NELL2: variants seen among roughly 807,000 people sequenced by gnomAD.
The protein encoded by NELL2 is neural EGFL like 2, also known as protein kinase C-binding protein NELL2.
A neutral mutation model predicts 109.6 loss-of-function variants in NELL2; 41 were observed. That is an observed-to-expected ratio of 0.37 (90% CI 0.29 to 0.49). The LOEUF is 0.49. Ranked by LOEUF, NELL2 falls within the 20% of genes least tolerant of loss-of-function variation. NELL2 has a pLI of 0.98. For synonymous variants in NELL2, 355 were observed against 344.7 expected (o/e 1.03, Z -0.33); for missense variants, 900 against 1,008.3 (o/e 0.89, Z 1.45).
chr12:44,695,484 C>T (rs962154702), intron 12 of NELL2, among the ~76,000 whole-genome samples: 36 of 152,048 alleles, frequency 2.4e-4, no homozygotes, highest in Non-Finnish European at 2.1e-4. Flanking sequence ...GTCACTTGAG[C>T]CCAGGAGTTT....
chr12:44,740,545 T>C (rs1004301768), intron 9 of NELL2, among the ~76,000 whole-genome samples: 1 of 152,088 alleles, frequency 6.6e-6, no homozygotes, highest in African/African-American at 2.4e-5. Context: ...AATCCAAAAC[T>C]GTACGGCATG....
At chr12:44,810,489 T>C (rs1451621204) in intron 3 of NELL2, among the ~76,000 whole-genome samples, 1 of 152,062 alleles carries the variant, frequency 6.6e-6, no homozygotes, top group East Asian at 1.9e-4. Flanking sequence ...CCATTTGTAT[T>C]GGAAAGAGAG....
At position 44,815,866 on chromosome 12, in the gene NELL2, C is replaced by T. The variant is rs886773289; in HGVS notation, c.335+120G>A. On this transcript the variant is annotated intron_variant, in intron 3 of 19. Transcript: ENST00000429094. The stretch of plus-strand genomic sequence containing the variant: ...ACTCCTGACCTCGTGATTTGCCCAC[C>T]TCGGCTTCCCAAATCATAAAGAGAT... 1.3e-5 allele frequency: 15 copies of T among 1,129,868 alleles called. No individual in the cohort carries two copies. In the Admixed American group the frequency reaches 1.6e-4, roughly 12 times the overall value. 70.0% of individuals were successfully genotyped at this position (1,129,868 alleles called of 1,614,324 possible).
intron 2 of NELL2, among the ~76,000 whole-genome samples, chr12:44,851,009 C>G (rs1317901448): frequency 6.6e-6 from 1 of 152,120 alleles, no homozygotes; most frequent in Non-Finnish European, 1.5e-5. Context: ...CTCTTACACA[C>G]AGTATACTTA....
chr12:44,610,712 G>A (rs1201913170), intron 14 of NELL2, 136 bp downstream of exon 14: 3 of 1,194,956 alleles, frequency 2.5e-6, no homozygotes, highest in Non-Finnish European at 1.2e-6. Flanking sequence ...GAAAGACTAT[G>A]AGCCACACAC....
chr12:44,776,989 G>T, intron 7 of NELL2, 53 bp downstream of exon 7: 1 of 1,455,442 alleles, frequency 6.9e-7, no homozygotes, highest in Non-Finnish European at 9.7e-7. Flanking sequence ...TGGAAGTATT[G>T]GGAACATCAA....
intron 15 of NELL2, among the ~76,000 whole-genome samples, chr12:44,566,104 T>A (rs1456981676): frequency 6.6e-6 from 1 of 152,080 alleles, no homozygotes; most frequent in Admixed American, 6.6e-5. Flanking sequence ...GCAGTCAAGA[T>A]GAAGAGTGGG....
At chr12:44,644,649 T>TATACAC (rs143698562) in intron 13 of NELL2, among the ~76,000 whole-genome samples, 27 of 129,490 alleles carry the variant, frequency 2.1e-4, no homozygotes, top group South Asian at 1.7e-3. Context: ...TATATATATA[T>TATACAC]ACACACACAC....
At chr12:44,584,552 T>G (rs1208702970) in intron 15 of NELL2, among the ~76,000 whole-genome samples, 2 of 152,238 alleles carry the variant, frequency 1.3e-5, no homozygotes, top group African/African-American at 4.8e-5. Context: ...GTTGTTCTGT[T>G]TGGCAAGGTT....
chr12:44,630,111 A>G (rs866228966), intron 13 of NELL2, among the ~76,000 whole-genome samples: 5 of 152,306 alleles, frequency 3.3e-5, no homozygotes, highest in Admixed American at 6.5e-5. Context: ...TATAATTTGT[A>G]CTTGTATAAT....
intron 15 of NELL2, among the ~76,000 whole-genome samples, chr12:44,584,385 T>C (rs761264240): frequency 1.1e-4 from 17 of 152,214 alleles, no homozygotes; most frequent in Non-Finnish European, 1.9e-4. Flanking sequence ...TTTTAAAGAT[T>C]TGTTGACAAA....
At chr12:44,605,139 C>A (rs993795270) in intron 15 of NELL2, among the ~76,000 whole-genome samples, 1 of 152,010 alleles carries the variant, frequency 6.6e-6, no homozygotes, top group African/African-American at 2.4e-5. Context: ...GGATTTAAGG[C>A]CCCCCAAAGA....
intron 13 of NELL2, among the ~76,000 whole-genome samples, chr12:44,652,325 A>C (rs1001541669): frequency 2.0e-5 from 3 of 152,196 alleles, no homozygotes; most frequent in African/African-American, 7.2e-5. Context: ...CATTTATTTT[A>C]TATATTATAT....
chr12:44,799,343 G>A (rs115064925), intron 3 of NELL2, among the ~76,000 whole-genome samples: 2,190 of 152,120 alleles, frequency 0.014, 52 homozygotes, highest in African/African-American at 0.05. Context: ...CAAGGCATCA[G>A]TTTGGAGATC....
intron 3 of NELL2, among the ~76,000 whole-genome samples, chr12:44,805,000 A>G (rs1942952589): frequency 6.6e-6 from 1 of 151,914 alleles, no homozygotes; most frequent in African/African-American, 2.4e-5. Flanking sequence ...TAGAAAATAT[A>G]ATAGAAAAGT....
At position 44,764,997 on chromosome 12, in the gene NELL2, T is replaced by A. The variant is rs967998715; in HGVS notation, c.994+9750A>T. Among the ~76,000 whole-genome samples, 3 of 152,044 alleles carry A rather than the reference T, an allele frequency of 2.0e-5. No individual in the cohort carries two copies. The East Asian group carries it at 5.8e-4, about 29-fold the overall frequency. ...CTGGTTAGAAATGCAAACTTACAGG[T>A]CCCACCCTGAAACACTGATTCAGGA... On this transcript the variant is annotated intron_variant, in intron 9 of 19. Coordinates refer to ENST00000429094, the MANE Select transcript of NELL2 (RefSeq NM_001145108.2).
intron 2 of NELL2, among the ~76,000 whole-genome samples, chr12:44,869,379 A>T (rs945109004): frequency 3.9e-5 from 6 of 152,134 alleles, no homozygotes; most frequent in African/African-American, 1.4e-4. Context: ...CTGCCCTTTG[A>T]ATTAACCTTC....
intron 12 of NELL2, among the ~76,000 whole-genome samples, chr12:44,678,929 G>GA (rs1335514482): frequency 1.3e-5 from 2 of 151,944 alleles, no homozygotes; most frequent in African/African-American, 4.8e-5. Context: ...AAGACTGTGA[G>GA]AAAAAATCAT....
At chr12:44,692,311 G>A (rs954563734) in intron 12 of NELL2, among the ~76,000 whole-genome samples, 11 of 152,084 alleles carry the variant, frequency 7.2e-5, no homozygotes, top group African/African-American at 2.4e-4. Context: ...TTTATACCAC[G>A]TTTTACTAAA....
Sources: allele counts gnomAD v4.1 joint callset (sites outside exome capture counted in the v4.1 genomes callset), GRCh38; gene constraint gnomAD v4.1.1; transcripts MANE v1.5; gene names NCBI Gene and HGNC (gene_info 2026-07-23, HGNC 2026-07-21).